The following GYS2 variants were observed in gnomAD, a reference collection of about 807,000 sequenced individuals.
GYS2 encodes the protein glycogen [starch] synthase, liver.
In GYS2, 80 loss-of-function variants were observed where a neutral mutation model predicts 85.6. That is an observed-to-expected ratio of 0.93 (90% CI 0.78 to 1.13). GYS2 has a LOEUF of 1.13. Ranked by LOEUF, GYS2 falls within the 50% of genes most tolerant of loss-of-function variation. The pLI is 0.00. For synonymous variants in GYS2, 328 were observed against 300.7 expected (o/e 1.09, Z -0.94); for missense variants, 881 against 854.9 (o/e 1.03, Z -0.38).
chr12:21,571,254 C>T (rs1944381598), intron 4 of GYS2, among the ~76,000 whole-genome samples: 1 of 152,180 alleles, frequency 6.6e-6, no homozygotes, highest in African/African-American at 2.4e-5. Context: ...GTACGCGTGG[C>T]CACTCCTGTG....
intron 1 of GYS2, among the ~76,000 whole-genome samples, chr12:21,598,156 T>A (rs961492229): frequency 1.3e-5 from 2 of 152,016 alleles, no homozygotes; most frequent in African/African-American, 4.8e-5. Context: ...GTGATTATAG[T>A]TAAAAACAAT....
chr12:21,572,313 T>C (rs1421688335), intron 4 of GYS2, among the ~76,000 whole-genome samples: 1 of 152,244 alleles, frequency 6.6e-6, no homozygotes, highest in Non-Finnish European at 1.5e-5. Flanking sequence ...TTTAATTATC[T>C]TATTCTTGTT....
downstream of GYS2, chr12:21,532,720 CA>C (rs1213907700): frequency 6.6e-6 from 1 of 152,120 alleles, no homozygotes; most frequent in Non-Finnish European, 1.5e-5. Context: ...ATTGACTATT[CA>C]AAATAGTATG....
chr12:21,569,265 C>T (rs966583794), intron 4 of GYS2, among the ~76,000 whole-genome samples: 16 of 152,316 alleles, frequency 1.1e-4, no homozygotes, highest in Admixed American at 3.3e-4. Flanking sequence ...TTCTACCTTA[C>T]TGTAATCACA....
chr12:21,600,711 C>T (rs183797218), intron 1 of GYS2, among the ~76,000 whole-genome samples: 37 of 152,170 alleles, frequency 2.4e-4, no homozygotes, highest in African/African-American at 8.9e-4. Flanking sequence ...ATACGTGCAC[C>T]TAATTTTTAG....
rs1269842122 is a variant in GYS2 at position 21,536,121 on chromosome 12, T to A, written c.*833A>T. The A allele has an allele frequency of 6.6e-6, 1 of 152,222 alleles. No homozygotes were observed. Among genetic ancestry groups the A allele is most frequent in the African/African-American group, 2.4e-5 (1 of 41,456 alleles). 9.4% of individuals were successfully genotyped at this position (152,222 alleles called of 1,614,324 possible). A position where few individuals can be genotyped will look rare whatever the true frequency, so the allele number is the denominator to read the frequency against. ...ATCAGTGAAAGTTGTTATTCAATAT[T>A]AATGTGTTTATTTACTTGGATTTAA... is the stretch of plus-strand genomic sequence containing the variant. On this transcript the variant is annotated 3_prime_UTR_variant, in exon 16 of 16. Coordinates refer to ENST00000261195, the MANE Select transcript of GYS2 (RefSeq NM_021957.4).
chr12:21,576,140 T>G, intron 2 of GYS2, 83 bp from the exon 3 acceptor site: 2 of 1,063,238 alleles, frequency 1.9e-6, no homozygotes, highest in Non-Finnish European at 2.9e-6. Flanking sequence ...GGATATAAAC[T>G]TTATGTAGTA....
chr12:21,535,817 CTTAG>C (rs1342429076), downstream of GYS2, among the ~76,000 whole-genome samples: 2 of 152,152 alleles, frequency 1.3e-5, no homozygotes, highest in Non-Finnish European at 2.9e-5. Flanking sequence ...TGAATAACTA[CTTAG>C]TTAGCAAAAA....
rs1307281520 is a variant in GYS2 at position 21,575,903 on chromosome 12, AG to A, written c.457del (p.Leu153Ter). 5.6e-6 allele frequency: 9 copies of A among 1,613,766 alleles called. No individual in the cohort carries two copies. The Admixed American group carries it at 6.7e-5, about 12-fold the overall frequency. Reference protein sequence around the residue: ...PYHDREANDMLIFGSLTAWFL... With the variant: ...PYHDREANDMXIFGSLTAWFL... Reference sequence around the variant, plus strand: ...CCAGGCAGTTAAAGATCCAAATATCAGCATATCATTGGCTTCTCGGTCATGA... The same window carrying A: ...CCAGGCAGTTAAAGATCCAAATATCACATATCATTGGCTTCTCGGTCATGA... On this transcript the variant is annotated frameshift_variant, in exon 3 of 16. Coordinates refer to ENST00000261195, the MANE Select transcript of GYS2 (RefSeq NM_021957.4). LOFTEE classifies it high-confidence loss of function.
intron 11 of GYS2, among the ~76,000 whole-genome samples, chr12:21,552,088 T>A (rs1289931772): frequency 6.6e-6 from 1 of 152,090 alleles, no homozygotes; most frequent in Non-Finnish European, 1.5e-5. Flanking sequence ...AGCTGAAGGT[T>A]ATAAAGAGGA....
intron 5 of GYS2, among the ~76,000 whole-genome samples, chr12:21,568,457 G>T (rs918922256): frequency 8.5e-5 from 13 of 152,122 alleles, no homozygotes; most frequent in African/African-American, 3.1e-4. Flanking sequence ...AATATAAAAC[G>T]TTTCTACCAA....
chr12:21,583,073 G>A (rs1944530771), intron 1 of GYS2, among the ~76,000 whole-genome samples: 1 of 152,134 alleles, frequency 6.6e-6, no homozygotes. Flanking sequence ...AATCTTATTT[G>A]GAGAGAACTT....
At chr12:21,592,970 A>G (rs1208945005) in intron 1 of GYS2, among the ~76,000 whole-genome samples, 2 of 152,170 alleles carry the variant, frequency 1.3e-5, no homozygotes, top group East Asian at 3.9e-4. Context: ...GAAATCAATA[A>G]CAAGAAAAAC....
At chr12:21,581,808 C>T (rs1944513035) in intron 1 of GYS2, among the ~76,000 whole-genome samples, 1 of 152,150 alleles carries the variant, frequency 6.6e-6, no homozygotes, top group Non-Finnish European at 1.5e-5. Context: ...AAACAACTTA[C>T]ACTGAACTAG....
rs747524222 is a variant in GYS2, at chr12:21,575,873, A to G, written c.488T>C (p.Leu163Ser). 6.2e-7 allele frequency: 1 copy of G among 1,612,042 alleles called. No individual in the cohort carries two copies. Among genetic ancestry groups the G allele is most frequent in the Non-Finnish European group, 8.5e-7 (1 of 1,178,302 alleles). The change falls in exon 3 of 16, where the codon TTA (leucine) becomes TCA (serine). Residue 163 changes from leucine (L) to serine (S), a missense_variant. Physicochemically the swap from Leu to Ser is moderately radical, Grantham distance 145 (BLOSUM62 -2). Coordinates refer to ENST00000261195, the MANE Select transcript of GYS2 (RefSeq NM_021957.4). Reference protein sequence around the residue: ...LIFGSLTAWFLKEVTDHADGK... With the variant: ...LIFGSLTAWFSKEVTDHADGK... Reference sequence around the variant, plus strand: ...CTATATAATAAACCATACCTCTTTTAAGAACCAGGCAGTTAAAGATCCAAA... The same window carrying G: ...CTATATAATAAACCATACCTCTTTTGAGAACCAGGCAGTTAAAGATCCAAA...
chr12:21,537,222 C>T, intron 15 of GYS2, 47 bp from the exon 16 acceptor site: 1 of 1,374,942 alleles, frequency 7.3e-7, no homozygotes, highest in Non-Finnish European at 1.0e-6. Context: ...AGTTTCTTGG[C>T]TTTCAACGAT....
chr12:21,592,767 C>T (rs898600415), intron 1 of GYS2, among the ~76,000 whole-genome samples: 1 of 152,012 alleles, frequency 6.6e-6, no homozygotes, highest in African/African-American at 2.4e-5. Flanking sequence ...TGGATTTAAA[C>T]TTGACTTTAG....
intron 15 of GYS2, chr12:21,537,408 T>G: frequency 1.8e-6 from 1 of 542,918 alleles, no homozygotes; most frequent in Non-Finnish European, 3.3e-6. Flanking sequence ...ATATACATAT[T>G]ATTATCATCT....
intron 3 of GYS2, 85 bp from the exon 4 acceptor site, chr12:21,574,411 G>A: frequency 2.0e-6 from 2 of 1,022,434 alleles, no homozygotes; most frequent in Non-Finnish European, 1.5e-6. Flanking sequence ...TGGAGTTATG[G>A]TGTCTATAAA....
Sources: allele counts gnomAD v4.1 joint callset (sites outside exome capture counted in the v4.1 genomes callset), GRCh38; gene constraint gnomAD v4.1.1; transcripts MANE v1.5; gene names NCBI Gene and HGNC (gene_info 2026-07-23, HGNC 2026-07-21).